The following MICAL3 variants were observed in gnomAD, a reference collection of about 807,000 sequenced individuals.
MICAL3 encodes the protein microtubule associated monooxygenase, calponin and LIM domain containing 3.
MICAL3 carries 62 observed loss-of-function variants against 207.4 expected under a neutral mutation model. The observed-to-expected ratio is 0.30, with a 90% CI of 0.24 to 0.37. MICAL3 has a LOEUF of 0.37. Ranked by LOEUF, MICAL3 falls within the 10% of genes least tolerant of loss-of-function variation. The pLI is 1.00. For missense variants in MICAL3, 2,368 were observed against 2,635.6 expected (o/e 0.90, Z 2.22); for synonymous variants, 1,077 against 1,069.3 (o/e 1.01, Z -0.14).
intron 1 of MICAL3, among the ~76,000 whole-genome samples, chr22:18,000,648 T>C (rs954321435): frequency 6.6e-6 from 1 of 152,214 alleles, no homozygotes; most frequent in South Asian, 2.1e-4. Flanking sequence ...GAATTTCCCA[T>C]GTGCCCCGGA....
intron 1 of MICAL3, among the ~76,000 whole-genome samples, chr22:17,928,951 C>T (rs1217001104): frequency 4.6e-5 from 7 of 152,118 alleles, no homozygotes; most frequent in East Asian, 3.9e-4. Context: ...CCCGCCACCA[C>T]GCCTGGCTAA....
intron 17 of MICAL3, among the ~76,000 whole-genome samples, chr22:17,866,608 C>CAGAATAGAATAGAAT (rs1327654068): frequency 0.11 from 13,119 of 121,944 alleles, 754 homozygotes; most frequent in African/African-American, 0.13. Flanking sequence ...CAGCATAGAA[C>CAGAATAGAATAGAAT]AGAACAGAAT....
chr22:17,924,168 T>A (rs1171816663), intron 1 of MICAL3, among the ~76,000 whole-genome samples: 1 of 152,174 alleles, frequency 6.6e-6, no homozygotes, highest in Admixed American at 6.5e-5. Context: ...TACAATTCAG[T>A]ATGAGATTTG....
chr22:17,950,164 C>CTTTTTTTTTTTTTTTTTTTTTTT, intron 1 of MICAL3, among the ~76,000 whole-genome samples: 1 of 132,984 alleles, frequency 7.5e-6, no homozygotes, highest in African/African-American at 3.3e-5. Context: ...GTACAGCTGT[C>CTTTTTTTTTTTTTTTTTTTTTTT]TATTTTTTTT....
intron 1 of MICAL3, among the ~76,000 whole-genome samples, chr22:17,918,989 G>A (rs1224931053): frequency 6.6e-6 from 1 of 151,808 alleles, no homozygotes; most frequent in South Asian, 2.1e-4. Context: ...TGGTCACATC[G>A]TTTAAACCTG....
intron 1 of MICAL3, among the ~76,000 whole-genome samples, chr22:17,976,909 C>CT (rs1935684920): frequency 6.6e-6 from 1 of 151,610 alleles, no homozygotes; most frequent in South Asian, 2.1e-4. Context: ...CAGGTTCACG[C>CT]CATTCTCCTG....
chr22:17,898,686 T>C (rs1228154799), intron 7 of MICAL3, among the ~76,000 whole-genome samples: 1 of 152,226 alleles, frequency 6.6e-6, no homozygotes, highest in African/African-American at 2.4e-5. Flanking sequence ...GATTCTCACG[T>C]TGAGACCAGT....
intron 19 of MICAL3, chr22:17,863,672 C>T: frequency 2.0e-6 from 2 of 985,466 alleles, no homozygotes. Flanking sequence ...TGGCTGGGTT[C>T]TCATGGCTCC....
intron 1 of MICAL3, among the ~76,000 whole-genome samples, chr22:17,931,076 C>G (rs546269926): frequency 3.3e-5 from 5 of 152,298 alleles, no homozygotes; most frequent in Admixed American, 1.3e-4. Flanking sequence ...GTGCTTCAGG[C>G]GACCAGTGAG....
At chr22:17,853,270 C>T (rs997074546) in intron 19 of MICAL3, among the ~76,000 whole-genome samples, 1 of 152,180 alleles carries the variant, frequency 6.6e-6, no homozygotes, top group Admixed American at 6.5e-5. Context: ...TGCTTCACAA[C>T]AGCTGGCACG....
At chr22:17,797,101 A>G (rs2061884488) in intron 29 of MICAL3, among the ~76,000 whole-genome samples, 1 of 152,244 alleles carries the variant, frequency 6.6e-6, no homozygotes, top group African/African-American at 2.4e-5. Context: ...TCTGGAAGGC[A>G]GGCAGGGCCT....
At chr22:18,015,906 T>C (rs1003563862) in intron 1 of MICAL3, among the ~76,000 whole-genome samples, 15 of 152,204 alleles carry the variant, frequency 9.9e-5, no homozygotes, top group African/African-American at 3.4e-4. Flanking sequence ...AAACTGTCCC[T>C]ATAATATTAG....
intron 1 of MICAL3, among the ~76,000 whole-genome samples, chr22:17,909,990 G>A (rs1303948478): frequency 1.3e-5 from 2 of 152,176 alleles, no homozygotes; most frequent in Non-Finnish European, 2.9e-5. Flanking sequence ...CAGTCAACCT[G>A]AACTCCACCA....
At chr22:17,794,334 GAC>G (rs1480271598) in intron 29 of MICAL3, among the ~76,000 whole-genome samples, 3 of 152,252 alleles carry the variant, frequency 2.0e-5, no homozygotes, top group African/African-American at 7.2e-5. Flanking sequence ...GCTTGCAGGT[GAC>G]AACCTGGGGT....
Position 17,791,083 on chromosome 22 carries a change from G to C in MICAL3, c.5751-12C>G. The C allele has an allele frequency of 6.2e-7, 1 of 1,610,308 alleles. No homozygotes were observed. Among genetic ancestry groups the C allele is most frequent in the Non-Finnish European group, 8.5e-7 (1 of 1,179,176 alleles). On this transcript the variant is annotated splice_polypyrimidine_tract_variant and intron_variant, in intron 30 of 31. Transcript: ENST00000441493. ...CCAGCTCCCGGGCACTGAGGAGGCA[G>C]GGCAGGAGGGAGACAAGCCACAGTG... is the stretch of plus-strand genomic sequence containing the variant.
chr22:17,941,005 C>T (rs957665918), intron 1 of MICAL3, among the ~76,000 whole-genome samples: 8 of 152,158 alleles, frequency 5.3e-5, no homozygotes, highest in African/African-American at 1.9e-4. Context: ...GCCTAGGCCA[C>T]GGGATGAACC....
intron 20 of MICAL3, among the ~76,000 whole-genome samples, chr22:17,838,778 C>T (rs956441960): frequency 2.0e-5 from 3 of 152,068 alleles, no homozygotes; most frequent in East Asian, 3.9e-4. Flanking sequence ...TAAAATGATG[C>T]CATTTCTCAT....
intron 1 of MICAL3, among the ~76,000 whole-genome samples, chr22:18,018,769 T>TAC (rs71317122): frequency 2.2e-5 from 3 of 137,698 alleles, no homozygotes; most frequent in Admixed American, 7.5e-5. Context: ...TCTATCTATC[T>TAC]ACACACACAC....
intron 1 of MICAL3, among the ~76,000 whole-genome samples, chr22:17,952,130 T>C (rs765566844): frequency 2.0e-5 from 3 of 152,240 alleles, no homozygotes; most frequent in Admixed American, 6.5e-5. Flanking sequence ...CCATGCTTAC[T>C]GGACCACCCA....
Sources: allele counts gnomAD v4.1 joint callset (sites outside exome capture counted in the v4.1 genomes callset), GRCh38; gene constraint gnomAD v4.1.1; transcripts MANE v1.5; gene names NCBI Gene and HGNC (gene_info 2026-07-23, HGNC 2026-07-21).